The following PRUNE2 variants were observed in gnomAD, a reference collection of about 807,000 sequenced individuals.
PRUNE2 encodes the protein protein prune homolog 2.
In PRUNE2, 164 loss-of-function variants were observed where a neutral mutation model predicts 252.0. The ratio of observed to expected loss-of-function variants is 0.65; its 90% confidence interval spans 0.57 to 0.74. The LOEUF (loss-of-function observed/expected upper bound fraction) is 0.74, where lower values mean the gene tolerates loss of function less well. Among genes scored for constraint, PRUNE2 ranks in the 30% least tolerant of loss-of-function variants. The probability of loss-of-function intolerance (pLI) is 0.00; values close to 1 mark genes in which losing one functional copy is unlikely to be tolerated. For synonymous variants in PRUNE2, 1,292 were observed against 1,350.2 expected (o/e 0.96, Z 0.94); for missense variants, 3,495 against 3,711.0 (o/e 0.94, Z 1.51).
At chr9:76,881,621 T>TA (rs1491588938) in intron 1 of PRUNE2, among the ~76,000 whole-genome samples, 1 of 129,090 alleles carries the variant, frequency 7.7e-6, no homozygotes, top group East Asian at 2.0e-4. Flanking sequence ...TGGACATTTC[T>TA]TTTTTTTTTT....
chr9:76,767,548 A>G lies in PRUNE2; in HGVS notation c.757-53827T>C, dbSNP rs184893244. Among the ~76,000 whole-genome samples the G allele has an allele frequency of 2.0e-5, 3 of 152,250 alleles. No homozygotes were observed. In the East Asian group the frequency reaches 5.8e-4, roughly 29 times the overall value. On this transcript the variant is annotated intron_variant, in intron 6 of 18. Coordinates refer to ENST00000376718, the MANE Select transcript of PRUNE2 (RefSeq NM_015225.3). ...TGACTCCATTGATCACCTCTTTAAAAAGAAAAAGAACTATTTTCCAGAACC... is the reference window on the plus strand; with the variant it reads ...TGACTCCATTGATCACCTCTTTAAAGAGAAAAAGAACTATTTTCCAGAACC...
intron 1 of PRUNE2, among the ~76,000 whole-genome samples, chr9:76,903,323 T>C (rs554112225): frequency 1.3e-5 from 2 of 152,026 alleles, no homozygotes; most frequent in South Asian, 2.1e-4. Flanking sequence ...TTTCAAACCA[T>C]TAAAAAATAT....
In PRUNE2 at chr9:76,744,180, T is replaced by G. The variant is rs138646404; in HGVS notation, c.757-30459A>C. 5.9e-5 allele frequency among the ~76,000 whole-genome samples: 9 copies of G among 152,336 alleles called. No homozygotes were observed. In the East Asian group the frequency reaches 1.7e-3, roughly 29 times the overall value. On this transcript the variant is annotated intron_variant, in intron 6 of 18. Coordinates refer to ENST00000376718, the MANE Select transcript of PRUNE2 (RefSeq NM_015225.3). ...AAACTCTGCAGATGCGTCTCCTATGTCAAGTTCAGAGGCTGTGTTATTATA... is the reference window on the plus strand; with the variant it reads ...AAACTCTGCAGATGCGTCTCCTATGGCAAGTTCAGAGGCTGTGTTATTATA...
chr9:76,905,849 G>A (rs2063463490), intron 1 of PRUNE2, 79 bp downstream of exon 1: 2 of 1,580,592 alleles, frequency 1.3e-6, no homozygotes, highest in East Asian at 2.2e-5. Flanking sequence ...TTCCTCCTCT[G>A]CTGCAACACC....
chr9:76,807,958 A>T (rs1589334479), intron 6 of PRUNE2, among the ~76,000 whole-genome samples: 1 of 152,134 alleles, frequency 6.6e-6, no homozygotes, highest in African/African-American at 2.4e-5. Context: ...CGGGTGGATC[A>T]CCTGAGGTCA....
chr9:76,868,156 G>GA (rs547148513), intron 1 of PRUNE2, among the ~76,000 whole-genome samples: 35 of 152,146 alleles, frequency 2.3e-4, no homozygotes, highest in African/African-American at 6.7e-4. Context: ...AATACATCAA[G>GA]AAAAAACCTC....
chr9:76,655,431 A>T lies in PRUNE2; in HGVS notation c.8348T>A (p.Met2783Lys), dbSNP rs1352251101. 6.2e-7 allele frequency: 1 copy of T among 1,610,406 alleles called. No homozygotes were observed. The highest frequency in any genetic ancestry group is 8.5e-7 in the Non-Finnish European group (1 of 1,177,652). The stretch of plus-strand genomic sequence containing the variant: ...ACAAATGCTGCTCTCACCAGGCCTC[A>T]TGTCTGCAGCACTGGGACTCAGCAC... ...EGVLSPSAADMRPEPPNSLDL... is the reference protein window; with the variant it reads ...EGVLSPSAADKRPEPPNSLDL... The change falls in exon 10 of 19, where the codon ATG becomes AAG. Residue 2783 changes from methionine to lysine, a missense_variant. Transcript: ENST00000376718.
chr9:76,745,540 T>G (rs371437247), intron 6 of PRUNE2, among the ~76,000 whole-genome samples: 1 of 134,036 alleles, frequency 7.5e-6, no homozygotes. Flanking sequence ...CTCAGCATGT[T>G]TGATGTCCCA....
chr9:76,891,311 C>T (rs2062459275), intron 1 of PRUNE2, among the ~76,000 whole-genome samples: 1 of 152,158 alleles, frequency 6.6e-6, no homozygotes, highest in Admixed American at 6.5e-5. Context: ...AAACTTCTTT[C>T]CCACATTACA....
At position 76,780,914 on chromosome 9, in the gene PRUNE2, C is replaced by T. The variant is rs533069099; in HGVS notation, c.756+42718G>A. ...AGGGTGTGCCTGCAACCCTCATCCC[C>T]GTGTGTTTCCCATCTGAGAAAGTGG... On this transcript the variant is annotated intron_variant, in intron 6 of 18. Coordinates refer to ENST00000376718, the MANE Select transcript of PRUNE2 (RefSeq NM_015225.3). Among the ~76,000 whole-genome samples, 57 of 152,234 alleles carry T rather than the reference C, an allele frequency of 3.7e-4. No individual in the cohort carries two copies. The South Asian group carries it at 0.011, about 29-fold the overall frequency.
chr9:76,898,013 T>G (rs1041480251), intron 1 of PRUNE2, among the ~76,000 whole-genome samples: 1 of 152,304 alleles, frequency 6.6e-6, no homozygotes, highest in South Asian at 2.1e-4. Flanking sequence ...AGCAGCCCTG[T>G]GAGGCCAGTG....
intron 6 of PRUNE2, among the ~76,000 whole-genome samples, chr9:76,724,878 T>C (rs913850189): frequency 5.9e-5 from 9 of 152,214 alleles, no homozygotes; most frequent in African/African-American, 1.9e-4. Flanking sequence ...TCTGTATGTT[T>C]ATAAGGATTT....
At chr9:76,654,115 G>A (rs2133334240) in intron 10 of PRUNE2, among the ~76,000 whole-genome samples, 1 of 152,222 alleles carries the variant, frequency 6.6e-6, no homozygotes, top group Non-Finnish European at 1.5e-5. Flanking sequence ...CTTGGTGTGT[G>A]GCAAACAAAA....
At chr9:76,886,676 G>GTAACAT (rs2062120011) in intron 1 of PRUNE2, among the ~76,000 whole-genome samples, 1 of 152,052 alleles carries the variant, frequency 6.6e-6, no homozygotes, top group African/African-American at 2.4e-5. Flanking sequence ...TATTTTAAAG[G>GTAACAT]ATTTTCACTC....
At chr9:76,859,444 G>C (rs1277073235) in intron 1 of PRUNE2, among the ~76,000 whole-genome samples, 1 of 151,986 alleles carries the variant, frequency 6.6e-6, no homozygotes, top group Non-Finnish European at 1.5e-5. Flanking sequence ...ATAAGCCTAG[G>C]CCCCTCCATT....
chr9:76,654,135 A>G (rs1015609554), intron 10 of PRUNE2, among the ~76,000 whole-genome samples: 1 of 152,104 alleles, frequency 6.6e-6, no homozygotes, highest in Non-Finnish European at 1.5e-5. Context: ...ACAAAACAAA[A>G]CCCTACACAT....
At chr9:76,664,363 G>A (rs1393759894) in intron 9 of PRUNE2, among the ~76,000 whole-genome samples, 1 of 152,176 alleles carries the variant, frequency 6.6e-6, no homozygotes, top group African/African-American at 2.4e-5. Flanking sequence ...AGCCATCTTG[G>A]AGGCAGATCC....
chr9:76,905,415 T>C (rs1034616381), intron 1 of PRUNE2, among the ~76,000 whole-genome samples: 3 of 152,168 alleles, frequency 2.0e-5, no homozygotes, highest in African/African-American at 7.2e-5. Flanking sequence ...CACTAGAATA[T>C]CCCTAACTCC....
rs549442784 is a variant in PRUNE2, at chr9:76,889,443, C to G, written c.36+16485G>C. ...TCAAGCAATCCTCTTGCCTCAGCCC[C>G]CCAAGTAGCTGAGACTACAGGTGCA... On this transcript the variant is annotated intron_variant, in intron 1 of 18. Transcript: ENST00000376718. Among the ~76,000 whole-genome samples, 3 of 151,998 alleles carry G rather than the reference C, an allele frequency of 2.0e-5. No homozygotes were observed. In the South Asian group the frequency reaches 6.3e-4, roughly 32 times the overall value.
Sources: gnomAD v4.1 joint callset for allele counts (sites outside exome capture counted in the v4.1 genomes callset) on GRCh38, gnomAD v4.1.1 for gene constraint, MANE v1.5 for transcripts, NCBI Gene and HGNC (gene_info 2026-07-23, HGNC 2026-07-21) for gene names.